L3MBTL4: variants seen among roughly 807,000 people sequenced by gnomAD.
L3MBTL4 encodes the protein lethal(3)malignant brain tumor-like protein 4.
A neutral mutation model predicts 84.5 loss-of-function variants in L3MBTL4; 70 were observed. The ratio of observed to expected loss-of-function variants is 0.83; its 90% CI spans 0.68 to 1.01. The LOEUF (loss-of-function observed/expected upper bound fraction) is 1.01. Among genes scored for constraint, L3MBTL4 ranks in the 50% least tolerant of loss-of-function variants. The pLI is 0.00. For synonymous variants in L3MBTL4, 274 were observed against 259.8 expected (o/e 1.05, Z -0.52); for missense variants, 715 against 754.8 (o/e 0.95, Z 0.62).
At chr18:6,080,453 T>C (rs966746361) in intron 16 of L3MBTL4, among the ~76,000 whole-genome samples, 4 of 152,194 alleles carry the variant, frequency 2.6e-5, no homozygotes, top group Admixed American at 2.0e-4. Context: ...TCAGCTCTGA[T>C]GGTTTAATTT....
chr18:6,292,726 T>C (rs1416804589), intron 4 of L3MBTL4, among the ~76,000 whole-genome samples: 1 of 152,146 alleles, frequency 6.6e-6, no homozygotes, highest in Non-Finnish European at 1.5e-5. Context: ...CATAACCAAC[T>C]AAGACAGAGT....
At chr18:6,178,915 G>C (rs1002273337) in intron 12 of L3MBTL4, among the ~76,000 whole-genome samples, 2 of 152,080 alleles carry the variant, frequency 1.3e-5, no homozygotes, top group Non-Finnish European at 2.9e-5. Flanking sequence ...GTACCCCAAC[G>C]CCTCAGTCAT....
chr18:6,051,264 C>A (rs550682191), intron 16 of L3MBTL4, among the ~76,000 whole-genome samples: 32 of 152,322 alleles, frequency 2.1e-4, no homozygotes, highest in African/African-American at 6.5e-4. Flanking sequence ...GCAGGCCGGG[C>A]GCAGTGGCTC....
At chr18:6,159,685 C>A (rs952994605) in intron 13 of L3MBTL4, among the ~76,000 whole-genome samples, 3 of 152,172 alleles carry the variant, frequency 2.0e-5, no homozygotes, top group Non-Finnish European at 4.4e-5. Context: ...AGGGCCAGCA[C>A]CACCAGGCCA....
intron 4 of L3MBTL4, among the ~76,000 whole-genome samples, chr18:6,289,392 G>T (rs946327225): frequency 1.3e-5 from 2 of 152,060 alleles, no homozygotes; most frequent in African/African-American, 4.8e-5. Context: ...AACAGGTTTT[G>T]ATTTTTATTT....
intron 16 of L3MBTL4, among the ~76,000 whole-genome samples, chr18:6,009,685 T>C (rs1177125859): frequency 1.3e-5 from 2 of 152,226 alleles, no homozygotes; most frequent in Non-Finnish European, 2.9e-5. Flanking sequence ...AATATTGTAC[T>C]GTATAGTTTT....
intron 1 of L3MBTL4, among the ~76,000 whole-genome samples, chr18:6,379,170 A>T (rs1473712921): frequency 6.6e-6 from 1 of 152,150 alleles, no homozygotes; most frequent in East Asian, 1.9e-4. Flanking sequence ...TTGATTTTTT[A>T]TCCTGAGACT....
Position 5,969,569 on chromosome 18 carries a change from G to A in L3MBTL4, c.1445-7C>T, listed in dbSNP as rs770789924. The A allele has an allele frequency of 6.9e-6, 11 of 1,585,572 alleles. No individual in the cohort carries two copies. Among genetic ancestry groups the A allele is most frequent in the South Asian group, 2.3e-5 (2 of 86,286 alleles). On this transcript the variant is annotated splice_region_variant and splice_polypyrimidine_tract_variant and intron_variant, in intron 16 of 18. Coordinates refer to ENST00000317931, the MANE Select transcript of L3MBTL4 (RefSeq NM_001330559.2). ...GCCTGCTCCACCGAGTATTCTGTAA[G>A]AGAGGTGGGGTGGGGTGAGGCTCAG...
intron 1 of L3MBTL4, among the ~76,000 whole-genome samples, chr18:6,400,343 T>C (rs1568608477): frequency 6.6e-6 from 1 of 152,092 alleles, no homozygotes; most frequent in Admixed American, 6.5e-5. Context: ...TAGAGTGAAA[T>C]AGACAAAAAA....
intron 16 of L3MBTL4, among the ~76,000 whole-genome samples, chr18:6,071,560 T>A (rs1262289357): frequency 6.6e-6 from 1 of 150,996 alleles, no homozygotes; most frequent in African/African-American, 2.4e-5. Context: ...TGCTTGAGTC[T>A]GGGAGGCCAA....
intron 14 of L3MBTL4, among the ~76,000 whole-genome samples, chr18:6,105,055 G>A (rs958903526): frequency 1.2e-4 from 18 of 151,934 alleles, no homozygotes; most frequent in Non-Finnish European, 2.2e-4. Context: ...TAATATAATT[G>A]GTGATAAGGA....
chr18:6,303,256 G>A (rs1599555101), intron 3 of L3MBTL4, among the ~76,000 whole-genome samples: 1 of 152,034 alleles, frequency 6.6e-6, no homozygotes, highest in South Asian at 2.1e-4. Flanking sequence ...CTCCAGCTAG[G>A]ATTACAGGTG....
intron 13 of L3MBTL4, among the ~76,000 whole-genome samples, chr18:6,144,491 A>G (rs540632744): frequency 6.6e-6 from 1 of 152,352 alleles, no homozygotes; most frequent in African/African-American, 2.4e-5. Context: ...CTTGTAAACT[A>G]AGAATTATCT....
intron 16 of L3MBTL4, 63 bp downstream of exon 16, chr18:6,080,818 C>T (rs1818808835): frequency 2.9e-5 from 36 of 1,223,786 alleles, no homozygotes; most frequent in Non-Finnish European, 4.2e-5. Flanking sequence ...AACAGTCAAA[C>T]AAATAAGACA....
intron 18 of L3MBTL4, among the ~76,000 whole-genome samples, chr18:5,959,077 C>T (rs1159414731): frequency 1.3e-5 from 2 of 152,200 alleles, no homozygotes; most frequent in African/African-American, 4.8e-5. Context: ...ATGCTGAGTT[C>T]CTCTACTGTG....
At position 6,035,758 on chromosome 18, in the gene L3MBTL4, A is replaced by T. The variant is rs1461523602; in HGVS notation, c.1444+45123T>A. On this transcript the variant is annotated intron_variant, in intron 16 of 18. Transcript: ENST00000317931. ...CTTGAGCAGTATGGCCATTTTCACG[A>T]TATTGATTCTTCCTACCCATGAGCA... Among the ~76,000 whole-genome samples, 10 of 152,274 alleles carry T rather than the reference A, an allele frequency of 6.6e-5. No homozygotes were observed. In the East Asian group the frequency reaches 1.7e-3, roughly 26 times the overall value.
intron 14 of L3MBTL4, among the ~76,000 whole-genome samples, chr18:6,132,923 G>A (rs1408832639): frequency 2.6e-5 from 4 of 152,126 alleles, no homozygotes; most frequent in Non-Finnish European, 5.9e-5. Flanking sequence ...TGTGTGAGAT[G>A]CTCTGCTACC....
intron 13 of L3MBTL4, among the ~76,000 whole-genome samples, chr18:6,163,125 T>C (rs1001187127): frequency 6.6e-6 from 1 of 151,848 alleles, no homozygotes; most frequent in Non-Finnish European, 1.5e-5. Flanking sequence ...CCCTCAAATG[T>C]TGTTTTGTTA....
Position 6,214,056 on chromosome 18 carries a change from T to C in L3MBTL4, c.871-797A>G, listed in dbSNP as rs368925854. On this transcript the variant is annotated intron_variant, in intron 11 of 18. Coordinates refer to ENST00000317931, the MANE Select transcript of L3MBTL4 (RefSeq NM_001330559.2). ...CACGATCCTTTATAAATCTAAAATA[T>C]GCTTAGATAAAAGCTGTGTAATTTC... Among the ~76,000 whole-genome samples, 9 of 152,362 alleles carry C rather than the reference T, an allele frequency of 5.9e-5. No homozygotes were observed. The East Asian group carries it at 1.3e-3, about 23-fold the overall frequency.
Sources: allele counts gnomAD v4.1 joint callset (sites outside exome capture counted in the v4.1 genomes callset), GRCh38; gene constraint gnomAD v4.1.1; transcripts MANE v1.5; gene names NCBI Gene and HGNC (gene_info 2026-07-23, HGNC 2026-07-21).